The following SLC35E3 variants were observed in gnomAD, a reference collection of about 807,000 sequenced individuals.
SLC35E3 encodes the protein solute carrier family 35 member E3.
In SLC35E3, 28 loss-of-function variants were observed where a neutral mutation model predicts 30.8. The observed-to-expected ratio is 0.91, with a 90% CI of 0.67 to 1.25. The LOEUF is 1.25. Among genes scored for constraint, SLC35E3 ranks in the 50% most tolerant of loss-of-function variants. The pLI, the probability that SLC35E3 is intolerant of heterozygous loss-of-function variation, is 0.00. For missense variants in SLC35E3, 365 were observed against 375.4 expected (o/e 0.97, Z 0.23); for synonymous variants, 146 against 149.2 (o/e 0.98, Z 0.16).
chr12:68,764,937 T>A lies in SLC35E3; in HGVS notation c.*47T>A, dbSNP rs899935310. 9 of 1,576,640 alleles carry A rather than the reference T, an allele frequency of 5.7e-6. No individual in the cohort carries two copies. The highest frequency in any genetic ancestry group is 7.8e-6 in the Non-Finnish European group (9 of 1,158,194). ...AATGTTGTCCCAAGAAGATAAAAAA[T>A]ATTGTTAAGTGTGCAAGTTATTAAA... On this transcript the variant is annotated 3_prime_UTR_variant, in exon 5 of 5. Coordinates refer to ENST00000398004, the MANE Select transcript of SLC35E3 (RefSeq NM_018656.5).
In SLC35E3 at chr12:68,778,464, G is replaced by A. The variant is rs1051221200; in HGVS notation, c.*13574G>A. 6.6e-6 allele frequency: 1 copy of A among 152,110 alleles called. No homozygotes were observed. Among genetic ancestry groups the A allele is most frequent in the Non-Finnish European group, 1.5e-5 (1 of 68,034 alleles). 9.4% of individuals were successfully genotyped at this position (152,110 alleles called of 1,614,324 possible). ...ACAGAGATCATATTATAAATAGTTG[G>A]AAGATTTATTTTTTATTTTGTTTTT... On this transcript the variant is annotated 3_prime_UTR_variant, in exon 5 of 5. Coordinates refer to ENST00000398004, the MANE Select transcript of SLC35E3 (RefSeq NM_018656.5).
chr12:68,778,783 C>T lies in SLC35E3; in HGVS notation c.*13893C>T, dbSNP rs1038161938. 3.3e-5 allele frequency: 5 copies of T among 150,182 alleles called. No homozygotes were observed. The Admixed American group carries it at 3.3e-4, about 10-fold the overall frequency. The allele number at this position is 150,182 out of a possible 1,614,324, so 9.3% of individuals were successfully genotyped here. A position where few individuals can be genotyped will look rare whatever the true frequency, so the allele number is the denominator to read the frequency against. ...CCAGCCTGGACAAAAGAGCAAAACT[C>T]CATCTCCAAAAAAAAAAAAGAAAAG... is the stretch of plus-strand genomic sequence containing the variant. On this transcript the variant is annotated 3_prime_UTR_variant, in exon 5 of 5. Coordinates refer to ENST00000398004, the MANE Select transcript of SLC35E3 (RefSeq NM_018656.5).
At chr12:68,758,699 CT>C (rs1879121200) in intron 3 of SLC35E3, among the ~76,000 whole-genome samples, 1 of 116,700 alleles carries the variant, frequency 8.6e-6, no homozygotes, top group South Asian at 2.8e-4. Flanking sequence ...ACTTGCAATT[CT>C]TACTGTCTCC....
Position 68,779,008 on chromosome 12 carries a change from G to A in SLC35E3, c.*14118G>A, listed in dbSNP as rs1274073265. 6.6e-6 allele frequency: 1 copy of A among 152,364 alleles called. No homozygotes were observed. Among genetic ancestry groups the A allele is most frequent in the African/African-American group, 2.4e-5 (1 of 41,464 alleles). 9.4% of individuals were successfully genotyped at this position (152,364 alleles called of 1,614,324 possible). A position where few individuals can be genotyped will look rare whatever the true frequency, so the allele number is the denominator to read the frequency against. ...TAATCCCAGCTACTCAGGAGGCTGAGGCAGGAGAATTGCTTGAACCCAGGA... is the reference window on the plus strand; with the variant it reads ...TAATCCCAGCTACTCAGGAGGCTGAAGCAGGAGAATTGCTTGAACCCAGGA... On this transcript the variant is annotated 3_prime_UTR_variant, in exon 5 of 5. Transcript: ENST00000398004.
At chr12:68,748,106 A>G (rs1319249582) in intron 2 of SLC35E3, 66 bp downstream of exon 2, 4 of 916,442 alleles carry the variant, frequency 4.4e-6, no homozygotes, top group Non-Finnish European at 5.4e-6. Context: ...GCTGTATTCC[A>G]AGGTTTAGAA....
intron 4 of SLC35E3, among the ~76,000 whole-genome samples, chr12:68,762,116 G>T (rs117249805): frequency 1.3e-5 from 2 of 152,166 alleles, no homozygotes; most frequent in African/African-American, 2.4e-5. Flanking sequence ...GTGAGCCACC[G>T]TGCCCAGCCA....
chr12:68,759,153 G>C lies in SLC35E3; in HGVS notation c.673-4G>C, dbSNP rs776201680. 6.0e-5 allele frequency: 96 copies of C among 1,605,842 alleles called. No homozygotes were observed. The highest frequency in any genetic ancestry group is 8.2e-5 in the Non-Finnish European group (96 of 1,174,194). On this transcript the variant is annotated splice_region_variant and splice_polypyrimidine_tract_variant and intron_variant, in intron 3 of 4. Coordinates refer to ENST00000398004, the MANE Select transcript of SLC35E3 (RefSeq NM_018656.5). ...CATTAATGGTTCTTTTGGTTTATTT[G>C]TAGCTTATGGTGCTGCTATCTGGAG...
In SLC35E3 at chr12:68,774,749, A is replaced by T. The variant is rs1879692341; in HGVS notation, c.*9859A>T. ...GGAGACCCTGTCTCAAAAACAAACA[A>T]AACAAACAAAAATAAGCAAAAAAAA... On this transcript the variant is annotated 3_prime_UTR_variant, in exon 5 of 5. Coordinates refer to ENST00000398004, the MANE Select transcript of SLC35E3 (RefSeq NM_018656.5). The T allele has an allele frequency of 7.4e-5, 7 of 94,662 alleles. No homozygotes were observed. The South Asian group carries it at 3.5e-3, about 47-fold the overall frequency. The allele number at this position is 94,662 out of a possible 1,614,324, so 5.9% of individuals were successfully genotyped here. A position where few individuals can be genotyped will look rare whatever the true frequency, so the allele number is the denominator to read the frequency against.
At position 68,746,473 on chromosome 12, in the gene SLC35E3, C is replaced by G; in HGVS notation, c.96C>G (p.Asn32Lys). The change falls in exon 1 of 5, where the codon AAC becomes AAG. Residue 32 changes from asparagine to lysine, a missense_variant. Asn to Lys is a moderately conservative substitution (Grantham distance 94). Coordinates refer to ENST00000398004, the MANE Select transcript of SLC35E3 (RefSeq NM_018656.5). ...LLVSICIVFL[N>K]KWIYVYHGFP... Reference sequence around the variant, plus strand: ...TGTCCATCTGCATTGTGTTCCTCAACAAATGGATTTATGTGTACCACGGCT... The same window carrying G: ...TGTCCATCTGCATTGTGTTCCTCAAGAAATGGATTTATGTGTACCACGGCT... 6.2e-7 allele frequency: 1 copy of G among 1,614,244 alleles called. No homozygotes were observed. Among genetic ancestry groups the G allele is most frequent in the Non-Finnish European group, 8.5e-7 (1 of 1,180,036 alleles).
In SLC35E3 at chr12:68,781,130, T is replaced by C. The variant is rs1326165579; in HGVS notation, c.*16240T>C. On this transcript the variant is annotated 3_prime_UTR_variant, in exon 5 of 5. Coordinates refer to ENST00000398004, the MANE Select transcript of SLC35E3 (RefSeq NM_018656.5). ...TTATTGAGAGCATTATTTTTGAAAG[T>C]ATAAGATTTGTGATTGTAATATAAA... 2 of 142,738 alleles carry C rather than the reference T, an allele frequency of 1.4e-5. No individual in the cohort carries two copies. The highest frequency in any genetic ancestry group is 2.9e-5 in the Non-Finnish European group (2 of 67,980). 8.8% of individuals were successfully genotyped at this position (142,738 alleles called of 1,614,324 possible). A position where few individuals can be genotyped will look rare whatever the true frequency, so the allele number is the denominator to read the frequency against.
chr12:68,751,468 A>G (rs550984197), intron 2 of SLC35E3, among the ~76,000 whole-genome samples: 20 of 152,026 alleles, frequency 1.3e-4, no homozygotes, highest in African/African-American at 4.6e-4. Context: ...AGCTAATTGT[A>G]TTTTTAGTAG....
intron 3 of SLC35E3, among the ~76,000 whole-genome samples, chr12:68,758,720 A>ATTCTCT (rs1189802647): frequency 7.1e-5 from 10 of 140,872 alleles, no homozygotes; most frequent in African/African-American, 2.6e-4. Context: ...CCAACCCCAA[A>ATTCTCT]TTCTCTTTCT....
At chr12:68,750,561 A>C (rs1370190280) in intron 2 of SLC35E3, among the ~76,000 whole-genome samples, 1 of 152,228 alleles carries the variant, frequency 6.6e-6, no homozygotes, top group African/African-American at 2.4e-5. Context: ...TTAGGAGAGC[A>C]TTAGAGGGGT....
Position 68,777,160 on chromosome 12 carries a change from G to A in SLC35E3, c.*12270G>A, listed in dbSNP as rs574766666. The A allele has an allele frequency of 2.7e-4, 41 of 152,290 alleles. No homozygotes were observed. Among genetic ancestry groups the A allele is most frequent in the African/African-American group, 9.6e-4 (40 of 41,560 alleles). The allele number at this position is 152,290 out of a possible 1,614,324, so 9.4% of individuals were successfully genotyped here. On this transcript the variant is annotated 3_prime_UTR_variant, in exon 5 of 5. Coordinates refer to ENST00000398004, the MANE Select transcript of SLC35E3 (RefSeq NM_018656.5). ...AAAAACTCACTCTAATAACGTTCCA[G>A]GAATTTCCTAAGACCATAGTGGGAG...
intron 4 of SLC35E3, among the ~76,000 whole-genome samples, chr12:68,763,969 C>T (rs11611360): frequency 0.28 from 42,814 of 151,944 alleles, 6,365 homozygotes; most frequent in Middle Eastern, 0.39. Context: ...CTAACTTCGA[C>T]GATTTCATGT....
intron 3 of SLC35E3, among the ~76,000 whole-genome samples, chr12:68,757,981 A>T (rs1489658085): frequency 2.0e-5 from 3 of 151,988 alleles, no homozygotes; most frequent in Non-Finnish European, 2.9e-5. Context: ...AATCCCAGCT[A>T]CTGGGGAGGC....
At chr12:68,763,233 A>G (rs1028888845) in intron 4 of SLC35E3, among the ~76,000 whole-genome samples, 1 of 152,148 alleles carries the variant, frequency 6.6e-6, no homozygotes, top group Non-Finnish European at 1.5e-5. Context: ...TATAGTGAGG[A>G]AACTAATGCA....
intron 4 of SLC35E3, 137 bp downstream of exon 4, chr12:68,759,376 CTGTA>C (rs1879163847): frequency 7.5e-6 from 5 of 665,764 alleles, no homozygotes; most frequent in Non-Finnish European, 1.3e-5. Context: ...TAGCCTTTTA[CTGTA>C]TCTTTACCCA....
At chr12:68,754,277 TTTTTGTTTTG>T (rs886111167) in intron 3 of SLC35E3, among the ~76,000 whole-genome samples, 8 of 151,932 alleles carry the variant, frequency 5.3e-5, no homozygotes, top group Admixed American at 1.3e-4. Flanking sequence ...GTTGTTGTTG[TTTTTGTTTTG>T]TTTTGTTTTG....
Sources: gnomAD v4.1 joint callset for allele counts (sites outside exome capture counted in the v4.1 genomes callset) on GRCh38, gnomAD v4.1.1 for gene constraint, MANE v1.5 for transcripts, NCBI Gene and HGNC (gene_info 2026-07-23, HGNC 2026-07-21) for gene names.